GNS: variants seen among roughly 807,000 people sequenced by gnomAD.
The protein encoded by GNS is glucosamine (N-acetyl)-6-sulfatase.
Under a neutral mutation model 69.7 loss-of-function variants are expected in GNS, and 40 were observed. The observed-to-expected ratio is 0.57, with a 90% CI of 0.45 to 0.75. The LOEUF (loss-of-function observed/expected upper bound fraction) is 0.75, where lower values mean the gene tolerates loss of function less well. Ranked by LOEUF, GNS falls within the 30% of genes least tolerant of loss-of-function variation. GNS has a pLI of 0.00. For synonymous variants in GNS, 243 were observed against 251.6 expected (o/e 0.97, Z 0.32); for missense variants, 565 against 685.5 (o/e 0.82, Z 1.96).
At chr12:64,738,365 CTGGAGTCA>C (rs1181177318) in intron 8 of GNS, among the ~76,000 whole-genome samples, 5 of 152,130 alleles carry the variant, frequency 3.3e-5, no homozygotes, top group African/African-American at 1.2e-4. Flanking sequence ...GTGTTGAATC[CTGGAGTCA>C]TGTGTATGGG....
chr12:64,746,182 T>C (rs1333666788), intron 3 of GNS: 1 of 218,514 alleles, frequency 4.6e-6, no homozygotes, highest in Non-Finnish European at 9.3e-6. Context: ...AGGCCTGAAA[T>C]GTTTACTATC....
intron 2 of GNS, among the ~76,000 whole-genome samples, chr12:64,751,831 A>G (rs1399016508): frequency 1.6e-4 from 24 of 151,912 alleles, no homozygotes; most frequent in Admixed American, 1.6e-3. Flanking sequence ...TACTGAAAAT[A>G]CAAAAAATTA....
rs1297791871 is a variant in GNS at position 64,759,321 on chromosome 12, G to A, written c.-45C>T. 3.8e-6 allele frequency: 5 copies of A among 1,313,096 alleles called. No homozygotes were observed. Among genetic ancestry groups the A allele is most frequent in the Non-Finnish European group, 5.1e-6 (5 of 980,592 alleles). 81.3% of individuals were successfully genotyped at this position (1,313,096 alleles called of 1,614,324 possible). A position where few individuals can be genotyped will look rare whatever the true frequency, so the allele number is the denominator to read the frequency against. The stretch of plus-strand genomic sequence containing the variant: ...GACCCCGGGACGGGACGGGACGGAG[G>A]GACGCACAGGTAGCTGAAGGGCGAG... On this transcript the variant is annotated 5_prime_UTR_variant, in exon 1 of 14. Transcript: ENST00000258145.
chr12:64,738,652 A>G (rs1592501402), intron 8 of GNS, among the ~76,000 whole-genome samples: 1 of 152,060 alleles, frequency 6.6e-6, no homozygotes, highest in African/African-American at 2.4e-5. Context: ...ATCTCTACTA[A>G]AAATACAAAA....
chr12:64,743,968 C>T (rs1869823468), intron 5 of GNS, among the ~76,000 whole-genome samples: 1 of 152,104 alleles, frequency 6.6e-6, no homozygotes, highest in South Asian at 2.1e-4. Context: ...TCCTATAATC[C>T]CTCCATCCAC....
At position 64,740,681 on chromosome 12, in the gene GNS, T is replaced by G; in HGVS notation, c.800A>C (p.His267Pro). Reference sequence around the variant, plus strand: ...AGTCTTGGCTTGCCTAATTAACCAGTGCTTGTTCTAAAATTTAGAAGAAAA... The same window carrying G: ...AGTCTTGGCTTGCCTAATTAACCAGGGCTTGTTCTAAAATTTAGAAGAAAA... ...KNFNIHGTNK[H>P]WLIRQAKTPM... is the part of the protein sequence containing the mutation. The change falls in exon 7 of 14, where the codon CAC becomes CCC. Residue 267 changes from histidine to proline, a missense_variant. His to Pro is a moderately conservative substitution (Grantham distance 77). Coordinates refer to ENST00000258145, the MANE Select transcript of GNS (RefSeq NM_002076.4). The G allele has an allele frequency of 6.5e-7, 1 of 1,540,352 alleles. No homozygotes were observed. The highest frequency in any genetic ancestry group is 9.0e-7 in the Non-Finnish European group (1 of 1,113,028).
intron 13 of GNS, among the ~76,000 whole-genome samples, chr12:64,719,128 T>G (rs1044639960): frequency 6.6e-6 from 1 of 152,252 alleles, no homozygotes; most frequent in Non-Finnish European, 1.5e-5. Flanking sequence ...TGGCACTATA[T>G]ACATTATTTA....
At position 64,714,298 on chromosome 12, in the gene GNS, T is replaced by G. The variant is rs1255431121; in HGVS notation, c.*2443A>C. ...TCCTAATGTTTACATGGTTCTCTAC[T>G]CTGAAGGGCACCAACATGGACCTCA... On this transcript the variant is annotated 3_prime_UTR_variant, in exon 14 of 14. Transcript: ENST00000258145. 6.6e-6 allele frequency: 1 copy of G among 152,160 alleles called. No homozygotes were observed. The highest frequency in any genetic ancestry group is 1.5e-5 in the Non-Finnish European group (1 of 68,032). 9.4% of individuals were successfully genotyped at this position (152,160 alleles called of 1,614,324 possible).
chr12:64,753,819 TGCCAAGAGACG>T (rs1377138400), intron 1 of GNS, among the ~76,000 whole-genome samples: 2 of 152,188 alleles, frequency 1.3e-5, no homozygotes, highest in East Asian at 3.9e-4. Context: ...CAGAAGAGGC[TGCCAAGAGACG>T]CTAGAGAAGC....
chr12:64,748,693 T>C (rs1379262302), intron 2 of GNS, among the ~76,000 whole-genome samples: 4 of 152,168 alleles, frequency 2.6e-5, no homozygotes, highest in African/African-American at 9.7e-5. Flanking sequence ...TGTAATTATA[T>C]TTCCATTAGC....
Position 64,739,491 on chromosome 12 carries a change from GT to G in GNS, c.883del (p.Thr295LeufsTer44). On this transcript the variant is annotated frameshift_variant, in exon 8 of 14. Coordinates refer to ENST00000258145, the MANE Select transcript of GNS (RefSeq NM_002076.4). LOFTEE classifies it high-confidence loss of function. ...LDNAFRKRWQ[T>X]LLSVDDLVEK... ...CACAAGGTCATCAACTGAGAGGAGA[GT>G]TTGCCACCTGGATGTGAACAGAAGG... The G allele has an allele frequency of 6.6e-7, 1 of 1,522,554 alleles. No homozygotes were observed. The highest frequency in any genetic ancestry group is 9.0e-7 in the Non-Finnish European group (1 of 1,109,788). The allele number at this position is 1,522,554 out of a possible 1,614,324, so 94.3% of individuals were successfully genotyped here. A position where few individuals can be genotyped will look rare whatever the true frequency, so the allele number is the denominator to read the frequency against.
chr12:64,756,262 T>G lies in GNS; in HGVS notation c.192+2823A>C, dbSNP rs550131962. On this transcript the variant is annotated intron_variant, in intron 1 of 13. Coordinates refer to ENST00000258145, the MANE Select transcript of GNS (RefSeq NM_002076.4). Reference sequence around the variant, plus strand: ...AGTGAGATTGGTGGGGGTTAACCACTATTTATTTTGCCAACTATGGCAGCA... The same window carrying G: ...AGTGAGATTGGTGGGGGTTAACCACGATTTATTTTGCCAACTATGGCAGCA... 3.5e-4 allele frequency among the ~76,000 whole-genome samples: 53 copies of G among 152,360 alleles called. 1 individual carries two copies. In the South Asian group the frequency reaches 0.01, roughly 30 times the overall value.
Position 64,759,304 on chromosome 12 carries a change from G to C in GNS, c.-28C>G. On this transcript the variant is annotated 5_prime_UTR_variant, in exon 1 of 14. Coordinates refer to ENST00000258145, the MANE Select transcript of GNS (RefSeq NM_002076.4). ...CGGACAGGCTCCGGGGTGACCCCGG[G>C]ACGGGACGGGACGGAGGGACGCACA... is the stretch of plus-strand genomic sequence containing the variant. The C allele has an allele frequency of 7.1e-7, 1 of 1,407,834 alleles. No individual in the cohort carries two copies. Among genetic ancestry groups the C allele is most frequent in the Non-Finnish European group, 9.4e-7 (1 of 1,059,864 alleles). 87.2% of individuals were successfully genotyped at this position (1,407,834 alleles called of 1,614,324 possible). A position where few individuals can be genotyped will look rare whatever the true frequency, so the allele number is the denominator to read the frequency against.
intron 10 of GNS, among the ~76,000 whole-genome samples, chr12:64,724,851 A>G (rs1357288179): frequency 3.3e-5 from 5 of 151,974 alleles, no homozygotes; most frequent in Non-Finnish European, 7.4e-5. Context: ...ACAGAGCGAG[A>G]CTCTGTCTCG....
intron 9 of GNS, among the ~76,000 whole-genome samples, chr12:64,733,297 C>CA (rs961321163): frequency 0.23 from 6,014 of 26,482 alleles, 1,202 homozygotes; most frequent in Non-Finnish European, 0.32. Context: ...GACCCTGTCT[C>CA]AAAAAAAAAA....
chr12:64,727,347 G>A (rs1869236972), intron 10 of GNS, among the ~76,000 whole-genome samples: 1 of 110,628 alleles, frequency 9.0e-6, no homozygotes. Context: ...GAGGTGGGAG[G>A]ATCCTCTGAG....
intron 6 of GNS, among the ~76,000 whole-genome samples, chr12:64,742,661 A>G (rs975119935): frequency 6.6e-5 from 10 of 152,260 alleles, no homozygotes; most frequent in African/African-American, 1.9e-4. Context: ...CAAGGGAAGT[A>G]TAAGTAATTG....
At chr12:64,748,833 C>A (rs1181056589) in intron 2 of GNS, among the ~76,000 whole-genome samples, 1 of 152,160 alleles carries the variant, frequency 6.6e-6, no homozygotes, top group Non-Finnish European at 1.5e-5. Context: ...ATACTTGGAC[C>A]AGCAGGGAAG....
intron 9 of GNS, among the ~76,000 whole-genome samples, chr12:64,730,613 A>G (rs1044096376): frequency 1.3e-5 from 2 of 152,150 alleles, no homozygotes; most frequent in African/African-American, 4.8e-5. Context: ...AAGGCAATCC[A>G]TATGTTACTC....
Sources: gnomAD v4.1 joint callset for allele counts (sites outside exome capture counted in the v4.1 genomes callset) on GRCh38, gnomAD v4.1.1 for gene constraint, MANE v1.5 for transcripts, NCBI Gene and HGNC (gene_info 2026-07-23, HGNC 2026-07-21) for gene names.